MED12L: variants seen among roughly 807,000 people sequenced by gnomAD.
The protein encoded by MED12L is mediator complex subunit 12L, also known as mediator of RNA polymerase II transcription subunit 12-like protein.
Under a neutral mutation model 281.3 loss-of-function variants are expected in MED12L, and 60 were observed. The observed-to-expected ratio is 0.21, with a 90% CI of 0.17 to 0.26. The LOEUF is 0.26. Ranked by LOEUF, MED12L falls within the 10% of genes least tolerant of loss-of-function variation. MED12L has a pLI of 1.00. For synonymous variants in MED12L, 974 were observed against 987.2 expected (o/e 0.99, Z 0.25); for missense variants, 2,146 against 2,680.9 (o/e 0.80, Z 4.41).
chr3:151,433,263 G>C lies in MED12L; in HGVS notation c.*459G>C, dbSNP rs1450208054. 2.6e-5 allele frequency: 4 copies of C among 153,656 alleles called. No homozygotes were observed. Among genetic ancestry groups the C allele is most frequent in the African/African-American group, 9.7e-5 (4 of 41,398 alleles). 9.5% of individuals were successfully genotyped at this position (153,656 alleles called of 1,614,324 possible). On this transcript the variant is annotated 3_prime_UTR_variant, in exon 45 of 45. Coordinates refer to ENST00000687756, the MANE Select transcript of MED12L (RefSeq NM_001393769.1). The stretch of plus-strand genomic sequence containing the variant: ...CATGTCAGATCTTGACAGAAACATG[G>C]CCTGTTTATTCTGCATTCACCTGTG...
At chr3:151,126,048 CTTTT>C (rs34482366) in intron 4 of MED12L, among the ~76,000 whole-genome samples, 5 of 130,758 alleles carry the variant, frequency 3.8e-5, no homozygotes, top group African/African-American at 5.9e-5. Context: ...ACTGCATCCT[CTTTT>C]TTTTTTTTTT....
chr3:151,362,449 G>A (rs769788992), intron 21 of MED12L, among the ~76,000 whole-genome samples: 41 of 151,814 alleles, frequency 2.7e-4, no homozygotes, highest in Non-Finnish European at 4.6e-4. Context: ...TTTATCTTAC[G>A]TTGCTTGTGA....
chr3:151,168,809 A>G (rs968884180), intron 11 of MED12L, among the ~76,000 whole-genome samples: 7 of 152,042 alleles, frequency 4.6e-5, no homozygotes, highest in African/African-American at 1.7e-4. Context: ...AGGTTCAAAC[A>G]ATTTTCATGC....
chr3:151,098,258 A>G (rs1219700623), intron 2 of MED12L, among the ~76,000 whole-genome samples: 1 of 152,196 alleles, frequency 6.6e-6, no homozygotes, highest in Admixed American at 6.5e-5. Context: ...TTCAAGGGAC[A>G]GTGCCTCTGA....
intron 16 of MED12L, among the ~76,000 whole-genome samples, chr3:151,285,693 AAAT>A (rs1743400492): frequency 2.6e-5 from 4 of 152,230 alleles, no homozygotes; most frequent in African/African-American, 9.6e-5. Context: ...AATAAAAAAA[AAAT>A]AAAAGAAAAA....
intron 5 of MED12L, among the ~76,000 whole-genome samples, chr3:151,128,568 C>G (rs756642561): frequency 6.6e-6 from 1 of 151,718 alleles, no homozygotes; most frequent in Non-Finnish European, 1.5e-5. Context: ...CTTCCCTTTT[C>G]AGGGCTTCTG....
At chr3:151,162,196 G>A (rs1219800672) in intron 8 of MED12L, among the ~76,000 whole-genome samples, 2 of 152,088 alleles carry the variant, frequency 1.3e-5, no homozygotes, top group South Asian at 4.1e-4. Flanking sequence ...GGGTATTAGA[G>A]GGCTTTGGAA....
chr3:151,366,653 A>G (rs545108247), intron 23 of MED12L, among the ~76,000 whole-genome samples: 3 of 152,194 alleles, frequency 2.0e-5, no homozygotes, highest in East Asian at 3.9e-4. Flanking sequence ...TCTCTTATGC[A>G]TAGTTCTTTA....
intron 5 of MED12L, among the ~76,000 whole-genome samples, chr3:151,138,980 TCTAC>T (rs374854260): frequency 2.8e-5 from 4 of 142,894 alleles, no homozygotes; most frequent in Non-Finnish European, 6.1e-5. Flanking sequence ...TTGTCTCTTA[TCTAC>T]CTACCTACCT....
At chr3:151,389,290 T>C (rs1212380122) in intron 37 of MED12L, among the ~76,000 whole-genome samples, 1 of 152,204 alleles carries the variant, frequency 6.6e-6, no homozygotes, top group African/African-American at 2.4e-5. Context: ...TCTGGTCATG[T>C]CCCCTCTTCC....
intron 41 of MED12L, 67 bp downstream of exon 41, chr3:151,411,574 A>T: frequency 7.3e-7 from 1 of 1,361,552 alleles, no homozygotes; most frequent in East Asian, 2.3e-5. Flanking sequence ...TATGCTTCTT[A>T]TAGGGCATGG....
At chr3:151,142,827 T>TC (rs1717246249) in intron 5 of MED12L, among the ~76,000 whole-genome samples, 1 of 152,182 alleles carries the variant, frequency 6.6e-6, no homozygotes, top group Non-Finnish European at 1.5e-5. Context: ...CTTTTTTTTT[T>TC]TTTAATTAAA....
At chr3:151,332,425 CTA>C (rs1750450319) in intron 16 of MED12L, among the ~76,000 whole-genome samples, 1 of 152,114 alleles carries the variant, frequency 6.6e-6, no homozygotes, top group South Asian at 2.1e-4. Flanking sequence ...ACAAGAGTAA[CTA>C]AAAGTGGTAA....
intron 2 of MED12L, among the ~76,000 whole-genome samples, chr3:151,087,386 C>G (rs12635773): frequency 0.011 from 1,685 of 152,326 alleles, 20 homozygotes; most frequent in East Asian, 0.029. Context: ...TCGTCGTAAA[C>G]TTTTTGAAAA....
chr3:151,392,467 G>GAAAAAAAAAAAAAAAAAAAAAAATAAA (rs200781609), intron 38 of MED12L, among the ~76,000 whole-genome samples: 1 of 95,862 alleles, frequency 1.0e-5, no homozygotes, highest in African/African-American at 4.8e-5. Flanking sequence ...TCCATCTCAA[G>GAAAAAAAAAAAAAAAAAAAAAAATAAA]AAAAAAAAAA....
intron 39 of MED12L, among the ~76,000 whole-genome samples, chr3:151,396,824 T>C (rs1234282131): frequency 6.6e-6 from 1 of 152,194 alleles, no homozygotes; most frequent in Non-Finnish European, 1.5e-5. Flanking sequence ...CCATTATGGG[T>C]AAATATACCT....
intron 26 of MED12L, among the ~76,000 whole-genome samples, chr3:151,372,359 C>G (rs1037871975): frequency 6.6e-6 from 1 of 152,164 alleles, no homozygotes; most frequent in Non-Finnish European, 1.5e-5. Flanking sequence ...GAGTCTTGAA[C>G]TTGCTTTTTC....
chr3:151,434,885 G>A lies in MED12L; in HGVS notation c.*2081G>A, dbSNP rs1013434400. ...TAATCATTTTGCACATGAAAGCTGTGGGGCATATCTTTTTTCTTTTTTTAG... is the reference window on the plus strand; with the variant it reads ...TAATCATTTTGCACATGAAAGCTGTAGGGCATATCTTTTTTCTTTTTTTAG... On this transcript the variant is annotated 3_prime_UTR_variant, in exon 45 of 45. Transcript: ENST00000687756. The A allele has an allele frequency of 6.6e-6, 1 of 152,112 alleles. No homozygotes were observed. The highest frequency in any genetic ancestry group is 2.4e-5 in the African/African-American group (1 of 41,418). 9.4% of individuals were successfully genotyped at this position (152,112 alleles called of 1,614,324 possible).
intron 23 of MED12L, among the ~76,000 whole-genome samples, chr3:151,366,550 C>G (rs977178404): frequency 3.9e-5 from 6 of 152,172 alleles, no homozygotes; most frequent in African/African-American, 1.4e-4. Flanking sequence ...TATCATGTTG[C>G]ATCCATGATG....
Sources: gnomAD v4.1 joint callset for allele counts (sites outside exome capture counted in the v4.1 genomes callset) on GRCh38, gnomAD v4.1.1 for gene constraint, MANE v1.5 for transcripts, NCBI Gene and HGNC (gene_info 2026-07-23, HGNC 2026-07-21) for gene names.